The following ZBTB2 variants were observed in gnomAD, a reference collection of about 807,000 sequenced individuals.
The protein encoded by ZBTB2 is zinc finger and BTB domain containing 2.
ZBTB2 carries 2 observed loss-of-function variants against 39.5 expected under a neutral mutation model. The ratio of observed to expected loss-of-function variants is 0.05; its 90% CI spans 0.02 to 0.16. The LOEUF (loss-of-function observed/expected upper bound fraction) is 0.16. Among genes scored for constraint, ZBTB2 ranks in the 10% least tolerant of loss-of-function variants. The pLI, the probability that ZBTB2 is intolerant of heterozygous loss-of-function variation, is 1.00. For synonymous variants in ZBTB2, 251 were observed against 256.6 expected, an observed-to-expected ratio of 0.98 and a Z score of 0.21; for missense variants, 391 against 653.0, an observed-to-expected ratio of 0.60 and a Z score of 4.37.
At chr6:151,369,513 C>T (rs1427749830) in intron 2 of ZBTB2, among the ~76,000 whole-genome samples, 1 of 152,032 alleles carries the variant, frequency 6.6e-6, no homozygotes, top group Non-Finnish European at 1.5e-5. Context: ...AGAGACAGGG[C>T]CTCACCATCT....
chr6:151,387,127 C>T (rs1779174947), intron 1 of ZBTB2, among the ~76,000 whole-genome samples: 1 of 152,180 alleles, frequency 6.6e-6, no homozygotes, highest in Non-Finnish European at 1.5e-5. Context: ...TAATTGTGGA[C>T]AGTCCTCTTT....
intron 1 of ZBTB2, among the ~76,000 whole-genome samples, chr6:151,386,770 TC>T (rs1438258999): frequency 6.6e-6 from 1 of 152,218 alleles, no homozygotes; most frequent in Admixed American, 6.5e-5. Context: ...GGTGTTGGGA[TC>T]CCTTAATGGT....
At chr6:151,377,741 A>C (rs74590769) in intron 1 of ZBTB2, among the ~76,000 whole-genome samples, 1 of 151,854 alleles carries the variant, frequency 6.6e-6, no homozygotes, top group African/African-American at 2.4e-5. Context: ...CCATGTTGTT[A>C]GCCAGGACAG....
At chr6:151,370,954 C>G (rs1778776231) in intron 2 of ZBTB2, among the ~76,000 whole-genome samples, 1 of 152,216 alleles carries the variant, frequency 6.6e-6, no homozygotes, top group African/African-American at 2.4e-5. Context: ...CATTTATTTA[C>G]TGCCCTATAC....
chr6:151,387,759 T>G (rs950946210), intron 1 of ZBTB2, among the ~76,000 whole-genome samples: 1 of 152,186 alleles, frequency 6.6e-6, no homozygotes, highest in Non-Finnish European at 1.5e-5. Flanking sequence ...CTCAAAGGCA[T>G]GTGATGCATA....
In ZBTB2 at chr6:151,375,119, C is replaced by CA. The variant is rs1255833132; in HGVS notation, c.-12-1471dup. ...TGGGTGACACAGCGAGACTCCATCT[C>CA]AAAAAAACAAAACAAAACAAAACAA... On this transcript the variant is annotated intron_variant, in intron 1 of 2. Transcript: ENST00000325144. Among the ~76,000 whole-genome samples the CA allele has an allele frequency of 2.0e-5, 3 of 150,984 alleles. No homozygotes were observed. In the South Asian group the frequency reaches 6.3e-4, roughly 32 times the overall value.
rs200070063 is a variant in ZBTB2 at position 151,373,843 on chromosome 6, TAAAAAAAAA to T, written c.-12-203_-12-195del. On this transcript the variant is annotated intron_variant, in intron 1 of 2. Transcript: ENST00000325144. The stretch of plus-strand genomic sequence containing the variant: ...TGAAGTAGTTATGTCATTATGCCTT[TAAAAAAAAA>T]AAAAAAAAAAAAAAAAAAAAAAAAA... Among the ~76,000 whole-genome samples the T allele has an allele frequency of 1.2e-3, 53 of 45,996 alleles. No individual in the cohort carries two copies. The South Asian group carries it at 0.016, about 14-fold the overall frequency. The allele number at this position is 45,996 out of a possible 152,430, so 30.2% of individuals were successfully genotyped here.
In ZBTB2 at chr6:151,374,001, C is replaced by T. The variant is rs565169460; in HGVS notation, c.-12-352G>A. Among the ~76,000 whole-genome samples, 39 of 152,230 alleles carry T rather than the reference C, an allele frequency of 2.6e-4. 1 individual carries two copies. The South Asian group carries it at 7.0e-3, about 28-fold the overall frequency. ...GCCTTTAAGCATCACGTCCTGGAGA[C>T]AGACAGCAAATATCTTGGACCATCG... On this transcript the variant is annotated intron_variant, in intron 1 of 2. Coordinates refer to ENST00000325144, the MANE Select transcript of ZBTB2 (RefSeq NM_020861.3).
Position 151,377,535 on chromosome 6 carries a change from ATT to A in ZBTB2, c.-12-3888_-12-3887del, listed in dbSNP as rs769474299. 9.5e-3 allele frequency among the ~76,000 whole-genome samples: 982 copies of A among 103,388 alleles called. 10 individuals carry two copies. The highest frequency in any genetic ancestry group is 0.04 in the African/African-American group (918 of 23,124). 67.8% of individuals were successfully genotyped at this position (103,388 alleles called of 152,430 possible). On this transcript the variant is annotated intron_variant, in intron 1 of 2. Transcript: ENST00000325144. ...AGGTGCCCGCGACCATGTCTGGCTA[ATT>A]TTTTTTTTTTTTTTTTTTTTTGAGA...
chr6:151,387,871 T>C (rs1312880047), intron 1 of ZBTB2, among the ~76,000 whole-genome samples: 3 of 152,186 alleles, frequency 2.0e-5, no homozygotes, highest in Admixed American at 6.5e-5. Context: ...CAACTCCTTG[T>C]AAGGGTTCTG....
rs569970215 is a variant in ZBTB2, at chr6:151,369,834, G to A, written c.174-2942C>T. On this transcript the variant is annotated intron_variant, in intron 2 of 2. Coordinates refer to ENST00000325144, the MANE Select transcript of ZBTB2 (RefSeq NM_020861.3). Reference sequence around the variant, plus strand: ...TTAAAAATACAAAAATTAGCCGGGCGTGGTGGTGCGCAGCTGTAACCCCAG... The same window carrying A: ...TTAAAAATACAAAAATTAGCCGGGCATGGTGGTGCGCAGCTGTAACCCCAG... Among the ~76,000 whole-genome samples the A allele has an allele frequency of 3.4e-3, 518 of 152,208 alleles. 15 individuals carry two copies. Among genetic ancestry groups the A allele is most frequent in the Non-Finnish European group, 4.0e-4 (27 of 68,022 alleles).
intron 1 of ZBTB2, among the ~76,000 whole-genome samples, chr6:151,373,865 A>ACAAAAC (rs1255472271): frequency 5.3e-5 from 6 of 112,172 alleles, no homozygotes; most frequent in South Asian, 2.9e-4. Flanking sequence ...AAAAAAAAAA[A>ACAAAAC]AAAAAAAAAA....
At chr6:151,369,028 G>C (rs1292027077) in intron 2 of ZBTB2, among the ~76,000 whole-genome samples, 1 of 152,140 alleles carries the variant, frequency 6.6e-6, no homozygotes, top group African/African-American at 2.4e-5. Context: ...CTCCCAAAGT[G>C]CTAGGATTAC....
intron 1 of ZBTB2, among the ~76,000 whole-genome samples, chr6:151,385,531 C>G (rs1171557578): frequency 1.3e-5 from 2 of 152,188 alleles, no homozygotes; most frequent in African/African-American, 4.8e-5. Context: ...ATCAAAACAG[C>G]TTGTGGAAAT....
intron 1 of ZBTB2, among the ~76,000 whole-genome samples, 194 bp from the exon 2 acceptor site, chr6:151,373,843 T>TAAAAAAAAAAAAAAAA (rs200070063): frequency 6.5e-5 from 3 of 45,996 alleles, no homozygotes; most frequent in Admixed American, 4.0e-4. Flanking sequence ...ATTATGCCTT[T>TAAAAAAAAAAAAAAAA]AAAAAAAAAA....
At chr6:151,383,278 G>A (rs140976164) in intron 1 of ZBTB2, among the ~76,000 whole-genome samples, 1 of 152,128 alleles carries the variant, frequency 6.6e-6, no homozygotes, top group African/African-American at 2.4e-5. Context: ...TTGAACTCCT[G>A]GGTTCAAGTG....
At chr6:151,390,566 G>C (rs1779270087) in intron 1 of ZBTB2, among the ~76,000 whole-genome samples, 1 of 150,728 alleles carries the variant, frequency 6.6e-6, no homozygotes. Flanking sequence ...GACAGGGAGA[G>C]AGGGAGAGGG....
At chr6:151,378,278 A>C (rs2114869112) in intron 1 of ZBTB2, among the ~76,000 whole-genome samples, 1 of 152,270 alleles carries the variant, frequency 6.6e-6, no homozygotes, top group African/African-American at 2.4e-5. Flanking sequence ...CAAATTTCAT[A>C]TTTTCTGCCA....
Position 151,366,441 on chromosome 6 carries a change from T to C in ZBTB2, c.625A>G (p.Thr209Ala). The stretch of plus-strand genomic sequence containing the variant: ...CCGGGAGGAGGGGGAGGAACAGGAG[T>C]GGAAACAAGTTCTGGAGACAGCGAG... ...QTSLSPELVS[T>A]PVPPPPPGEE... is the part of the protein sequence containing the mutation. The change falls in exon 3 of 3, where the codon ACT becomes GCT. Residue 209 changes from threonine to alanine, a missense_variant. Physicochemically the swap from Thr to Ala is moderately conservative, Grantham distance 58. Around this residue, in one of 7 missense-constraint regions of ZBTB2, gnomAD observed 175 missense variants for 198.6 expected, o/e 0.88. Transcript: ENST00000325144. This position sits in a 1 kb window ranked among gnomAD's most constrained non-coding sequence, Gnocchi z 7.1. 1.2e-6 allele frequency: 2 copies of C among 1,613,128 alleles called. No individual in the cohort carries two copies. The highest frequency in any genetic ancestry group is 1.7e-6 in the Non-Finnish European group (2 of 1,179,770).
Sources: gnomAD v4.1 joint callset for allele counts (sites outside exome capture counted in the v4.1 genomes callset) on GRCh38, gnomAD v4.1.1 for gene constraint, gnomAD v4.1.1 regional missense constraint, Gnocchi (gnomAD v3.1) non-coding constraint, MANE v1.5 for transcripts, NCBI Gene and HGNC (gene_info 2026-07-23, HGNC 2026-07-21) for gene names.